Variants in BAZ2A observed in about 807,000 individuals in gnomAD.
The protein encoded by BAZ2A is bromodomain adjacent to zinc finger domain protein 2A.
A neutral mutation model predicts 199.9 loss-of-function variants in BAZ2A; 34 were observed. The ratio of observed to expected loss-of-function variants is 0.17; its 90% CI spans 0.13 to 0.23. BAZ2A has a LOEUF of 0.23. Ranked by LOEUF, BAZ2A falls within the 10% of genes least tolerant of loss-of-function variation. The probability of loss-of-function intolerance (pLI) is 1.00; values close to 1 mark genes in which losing one functional copy is unlikely to be tolerated. For synonymous variants in BAZ2A, 857 were observed against 883.9 expected (o/e 0.97, Z 0.54); for missense variants, 2,002 against 2,391.1 (o/e 0.84, Z 3.39).
chr12:56,599,463 C>A, intron 26 of BAZ2A, 105 bp from the exon 27 acceptor site: 1 of 1,339,044 alleles, frequency 7.5e-7, no homozygotes, highest in Non-Finnish European at 1.0e-6. Context: ...TACTATCATG[C>A]ATAAGCCGGC....
chr12:56,606,180 T>C, intron 12 of BAZ2A, 67 bp downstream of exon 12: 1 of 1,605,516 alleles, frequency 6.2e-7, no homozygotes, highest in South Asian at 1.1e-5. Context: ...AAGACTGATG[T>C]ACATGTCCTG....
intron 14 of BAZ2A, 24 bp from the exon 15 acceptor site, chr12:56,604,823 G>A (rs374409269): frequency 6.2e-7 from 1 of 1,605,058 alleles, no homozygotes; most frequent in Non-Finnish European, 8.5e-7. Flanking sequence ...AGCATAATGG[G>A]GGTGAGTAGG....
At chr12:56,629,577 G>A (rs1951226021) in intron 1 of BAZ2A, among the ~76,000 whole-genome samples, 1 of 152,104 alleles carries the variant, frequency 6.6e-6, no homozygotes, top group South Asian at 2.1e-4. Flanking sequence ...CCTCAGCAAG[G>A]AAGGCCCTCT....
At chr12:56,632,185 TAG>T (rs1951330295), upstream of BAZ2A, among the ~76,000 whole-genome samples, 1 of 152,110 alleles carries the variant, frequency 6.6e-6, no homozygotes, top group African/African-American at 2.4e-5. Context: ...ACACTCAGGG[TAG>T]AGGTTTCCTT....
intron 23 of BAZ2A, 53 bp downstream of exon 23, chr12:56,600,628 A>G: frequency 1.3e-6 from 2 of 1,595,224 alleles, no homozygotes; most frequent in Non-Finnish European, 1.7e-6. Context: ...AACAGGGCAT[A>G]AGGGACTAAT....
chr12:56,611,646 G>T lies in BAZ2A; in HGVS notation c.1610-13C>A. 6.3e-7 allele frequency: 1 copy of T among 1,594,462 alleles called. No homozygotes were observed. Among genetic ancestry groups the T allele is most frequent in the Non-Finnish European group, 8.5e-7 (1 of 1,173,358 alleles). Reference sequence around the variant, plus strand: ...CTCATGACATCACCTTGGGAGGAAGGGATACCCAAGTTAAGAGTTCAAGCA... The same window carrying T: ...CTCATGACATCACCTTGGGAGGAAGTGATACCCAAGTTAAGAGTTCAAGCA... On this transcript the variant is annotated splice_polypyrimidine_tract_variant and intron_variant, in intron 6 of 28. Coordinates refer to ENST00000549884, the MANE Select transcript of BAZ2A (RefSeq NM_001300905.2).
At chr12:56,606,137 C>A in intron 12 of BAZ2A, 74 bp from the exon 13 acceptor site, 1 of 1,560,914 alleles carries the variant, frequency 6.4e-7, no homozygotes, top group Non-Finnish European at 8.7e-7. Flanking sequence ...CCAGTCCTCC[C>A]AACCTCACAG....
At chr12:56,599,646 T>C (rs901986066) in intron 26 of BAZ2A, 56 bp downstream of exon 26, 11 of 1,609,554 alleles carry the variant, frequency 6.8e-6, no homozygotes, top group South Asian at 1.1e-5. Flanking sequence ...GAGGAGAGAT[T>C]GAGGATAATC....
chr12:56,622,016 C>G (rs1238482192), intron 1 of BAZ2A, among the ~76,000 whole-genome samples: 3 of 150,184 alleles, frequency 2.0e-5, no homozygotes, highest in Non-Finnish European at 4.4e-5. Context: ...ATTAGACAAA[C>G]AGTAAAAGAC....
chr12:56,623,688 T>C (rs548915689), intron 1 of BAZ2A, among the ~76,000 whole-genome samples: 55 of 152,262 alleles, frequency 3.6e-4, no homozygotes, highest in African/African-American at 1.3e-3. Context: ...TGAAGGTATG[T>C]GCTACTGGCA....
chr12:56,635,033 C>T (rs1951414839), upstream of BAZ2A: 1 of 984,378 alleles, frequency 1.0e-6, no homozygotes, highest in African/African-American at 1.8e-5. The surrounding 1 kb of genome is among the most constrained non-coding windows in gnomAD (Gnocchi z 4.1). Flanking sequence ...CTCCCCCAGC[C>T]CTGGGCCGGC....
intron 2 of BAZ2A, 148 bp from the exon 3 acceptor site, chr12:56,615,755 T>C (rs1950697078): frequency 1.4e-6 from 1 of 699,880 alleles, no homozygotes; most frequent in African/African-American, 1.8e-5. Flanking sequence ...TTTGGGTCTC[T>C]GGAGAACACC....
At chr12:56,632,622 A>G (rs1951345473), upstream of BAZ2A, among the ~76,000 whole-genome samples, 1 of 152,148 alleles carries the variant, frequency 6.6e-6, no homozygotes, top group Non-Finnish European at 1.5e-5. Flanking sequence ...TATTCCAGCC[A>G]GGAGCGGTTA....
At chr12:56,608,935 G>A (rs967720082) in intron 10 of BAZ2A, among the ~76,000 whole-genome samples, 3 of 141,404 alleles carry the variant, frequency 2.1e-5, no homozygotes, top group African/African-American at 5.4e-5. Context: ...GTGCAGTGGC[G>A]CAATCTCAGC....
rs767556451 is a variant in BAZ2A at position 56,615,476 on chromosome 12, G to A, written c.268C>T (p.Leu90Phe). 1 of 1,613,544 alleles carries A rather than the reference G, an allele frequency of 6.2e-7. No homozygotes were observed. Among genetic ancestry groups the A allele is most frequent in the Non-Finnish European group, 8.5e-7 (1 of 1,179,870 alleles). Residue 90 changes from leucine (L) to phenylalanine (F), a missense_variant, in exon 3 of 29, where the codon CTC becomes TTC. Physicochemically the swap from Leu to Phe is conservative, Grantham distance 22. This residue lies in a region of BAZ2A where 641 missense variants were observed against 694.5 expected (regional missense o/e 0.92). Coordinates refer to ENST00000549884, the MANE Select transcript of BAZ2A (RefSeq NM_001300905.2). ...GATGGGTACTGTGAGTAGTTCCAGA[G>A]ACAGTCGTAGGCCACGCTGGGGTGA... The part of the protein sequence containing the change: ...LHHPSVAYDC[L>F]WNYSQYPSAN...
At chr12:56,601,457 C>T (rs1297450819) in intron 20 of BAZ2A, 55 bp from the exon 21 acceptor site, 2 of 1,591,610 alleles carry the variant, frequency 1.3e-6, no homozygotes, top group African/African-American at 2.7e-5. Flanking sequence ...TTATAGGTTC[C>T]CTCAACTTCA....
chr12:56,598,548 G>T lies in BAZ2A; in HGVS notation c.*70C>A. On this transcript the variant is annotated 3_prime_UTR_variant, in exon 29 of 29. Transcript: ENST00000549884. ...TCTGGACCCAGGGCAGCATCAGCAG[G>T]TGAAAATGGCAGGTTTTTGTTTGGA... The T allele has an allele frequency of 6.5e-7, 1 of 1,549,920 alleles. No individual in the cohort carries two copies. The highest frequency in any genetic ancestry group is 8.7e-7 in the Non-Finnish European group (1 of 1,148,576).
chr12:56,609,805 G>A lies in BAZ2A; in HGVS notation c.2023C>T (p.Pro675Ser). 1 of 1,613,878 alleles carries A rather than the reference G, an allele frequency of 6.2e-7. No homozygotes were observed. The highest frequency in any genetic ancestry group is 8.5e-7 in the Non-Finnish European group (1 of 1,179,852). Residue 675 changes from proline (P) to serine (S), a missense_variant, in exon 10 of 29, where the codon CCT becomes TCT. Around this residue, in one of 6 missense-constraint regions of BAZ2A, gnomAD observed 1,081 missense variants for 1,274.7 expected, o/e 0.85. Transcript: ENST00000549884. The stretch of plus-strand genomic sequence containing the variant: ...AATAGCTCAGTGATTTTGACCTTAG[G>A]TGGCCGACCTCGACCCCGTTTCACC... ...PKVKRGRGRP[P>S]KVKITELLNK...
In BAZ2A at chr12:56,602,756, C is replaced by T. The variant is rs746775210; in HGVS notation, c.3381G>A (p.Pro1127=). The T allele has an allele frequency of 2.0e-5, 32 of 1,613,916 alleles. No homozygotes were observed. The highest frequency in any genetic ancestry group is 1.1e-4 in the East Asian group (5 of 44,880). The change falls in exon 19 of 29, where the codon CCG becomes CCA. Residue 1127 remains proline (P), a synonymous_variant. Coordinates refer to ENST00000549884, the MANE Select transcript of BAZ2A (RefSeq NM_001300905.2). ...DRYRRRYWVL[P]YLAGIFVEGT... ...CTTCTACAAAGATACCAGCCAAATA[C>T]GGCAATACCCAGTAGCGACGTCTGT...
Sources: allele counts gnomAD v4.1 joint callset (sites outside exome capture counted in the v4.1 genomes callset), GRCh38; gene constraint gnomAD v4.1.1; regional missense constraint gnomAD v4.1.1; non-coding constraint Gnocchi (gnomAD v3.1); transcripts MANE v1.5; gene names NCBI Gene and HGNC (gene_info 2026-07-23, HGNC 2026-07-21).